Variants in PLBD2 observed in about 807,000 individuals in gnomAD.
PLBD2 encodes the protein phospholipase B domain containing 2, also known as putative aminopeptidase PLBD2.
PLBD2 carries 51 observed loss-of-function variants against 68.3 expected under a neutral mutation model. That is an observed-to-expected ratio of 0.75 (90% CI 0.60 to 0.94). PLBD2 has a LOEUF of 0.94. Ranked by LOEUF, PLBD2 falls within the 40% of genes least tolerant of loss-of-function variation. PLBD2 has a pLI of 0.00. For synonymous variants in PLBD2, 314 were observed against 339.3 expected (o/e 0.93, Z 0.82); for missense variants, 729 against 792.2 (o/e 0.92, Z 0.96).
intron 1 of PLBD2, among the ~76,000 whole-genome samples, chr12:113,368,306 C>G (rs1004393002): frequency 6.6e-6 from 1 of 152,138 alleles, no homozygotes; most frequent in Non-Finnish European, 1.5e-5. Context: ...ATAAACCAGC[C>G]CCAATCCAGC....
At position 113,387,823 on chromosome 12, in the gene PLBD2, G is replaced by T. The variant is rs368889136; in HGVS notation, c.1519G>T (p.Ala507Ser). 3.1e-6 allele frequency: 5 copies of T among 1,614,086 alleles called. No homozygotes were observed. Among genetic ancestry groups the T allele is most frequent in the East Asian group, 4.5e-5 (2 of 44,876 alleles). The change falls in exon 11 of 12, where the codon GCC (alanine) becomes TCC (serine). Residue 507 changes from alanine to serine, a missense_variant. Ala to Ser is a moderately conservative substitution (Grantham distance 99). Transcript: ENST00000280800. ...GCCCAATGGGGAGAATGCTATCTCC[G>T]CCCGCTCCGACCTCAACCCGGCCAA... ...PQPNGENAIS[A>S]RSDLNPANGS... is the part of the protein sequence containing the mutation.
chr12:113,359,775 C>T (rs1957272964), intron 1 of PLBD2, among the ~76,000 whole-genome samples: 1 of 152,158 alleles, frequency 6.6e-6, no homozygotes. Context: ...GCTGTCTCTA[C>T]TCAGTGGGAA....
intron 1 of PLBD2, among the ~76,000 whole-genome samples, chr12:113,361,420 G>A (rs1957295437): frequency 6.9e-6 from 1 of 144,124 alleles, no homozygotes; most frequent in South Asian, 2.2e-4. Flanking sequence ...GCTCACTGCA[G>A]CCTTGAACTC....
In PLBD2 at chr12:113,388,645, C is replaced by A. The variant is rs903266625; in HGVS notation, c.*19C>A. The A allele has an allele frequency of 6.5e-7, 1 of 1,543,916 alleles. No individual in the cohort carries two copies. Among genetic ancestry groups the A allele is most frequent in the Non-Finnish European group, 8.7e-7 (1 of 1,143,266 alleles). ...GGACTGAAGTTCTGTCCCTGCTCTG[C>A]TGCTTTCGCCCCTGCTGACCCTCGT... On this transcript the variant is annotated 3_prime_UTR_variant, in exon 12 of 12. Coordinates refer to ENST00000280800, the MANE Select transcript of PLBD2 (RefSeq NM_173542.4).
chr12:113,365,287 G>T (rs949844865), intron 1 of PLBD2, among the ~76,000 whole-genome samples: 6 of 151,956 alleles, frequency 3.9e-5, no homozygotes, highest in African/African-American at 1.5e-4. Flanking sequence ...TCTGTAAAAT[G>T]GGAAGAATAA....
In PLBD2 at chr12:113,369,168, G is replaced by C. The variant is rs1008670641; in HGVS notation, c.343G>C (p.Ala115Pro). The C allele has an allele frequency of 6.2e-7, 1 of 1,607,514 alleles. No homozygotes were observed. The highest frequency in any genetic ancestry group is 8.5e-7 in the Non-Finnish European group (1 of 1,177,182). ...TSGQYNDSLQ[A>P]YAAGVVEAAV... ...TGGCCAATACAATGACAGCTTGCAG[G>C]CCTATGCAGCCGGTGTGGTGGAGGC... The change falls in exon 2 of 12, where the codon GCC becomes CCC. Residue 115 changes from alanine (A) to proline (P), a missense_variant. Transcript: ENST00000280800.
chr12:113,380,479 C>T (rs1565863035), intron 5 of PLBD2, among the ~76,000 whole-genome samples: 1 of 152,134 alleles, frequency 6.6e-6, no homozygotes, highest in Non-Finnish European at 1.5e-5. Flanking sequence ...TATTTTTGGT[C>T]CCCAGTCGAT....
At chr12:113,374,759 C>T (rs373691519) in intron 4 of PLBD2, 34 bp from the exon 5 acceptor site, 45 of 1,606,826 alleles carry the variant, frequency 2.8e-5, no homozygotes, top group African/African-American at 2.0e-4. Flanking sequence ...TCACAGCAGG[C>T]GTGGTAACCC....
At chr12:113,373,846 C>T (rs1471726118) in intron 3 of PLBD2, among the ~76,000 whole-genome samples, 2 of 149,708 alleles carry the variant, frequency 1.3e-5, no homozygotes, top group Non-Finnish European at 3.0e-5. Flanking sequence ...ATCCATCTAC[C>T]CATACATACA....
chr12:113,382,835 T>TTTTTGTGTGTGTG (rs1335785271), intron 6 of PLBD2, among the ~76,000 whole-genome samples: 4 of 106,606 alleles, frequency 3.8e-5, no homozygotes, highest in African/African-American at 1.5e-4. Flanking sequence ...TGGTGGTTTT[T>TTTTTGTGTGTGTG]TGTGTGTGTG....
rs368424002 is a variant in PLBD2, at chr12:113,380,778, T to C, written c.893T>C (p.Val298Ala). ...DYPLVPGNKL[V>A]FSSYPGTIFS... ...CCGCTGGTTCCCGGCAACAAGCTGGTCTTCTCCTCCTACCCCGGCACCATC... is the reference window on the plus strand; with the variant it reads ...CCGCTGGTTCCCGGCAACAAGCTGGCCTTCTCCTCCTACCCCGGCACCATC... The change falls in exon 6 of 12, where the codon GTC (valine) becomes GCC (alanine). Residue 298 changes from valine (V) to alanine (A), a missense_variant. Coordinates refer to ENST00000280800, the MANE Select transcript of PLBD2 (RefSeq NM_173542.4). The C allele has an allele frequency of 4.4e-5, 68 of 1,554,648 alleles. No individual in the cohort carries two copies. The highest frequency in any genetic ancestry group is 5.7e-5 in the Non-Finnish European group (65 of 1,149,018).
intron 1 of PLBD2, among the ~76,000 whole-genome samples, chr12:113,360,256 A>G (rs1213018667): frequency 1.3e-5 from 2 of 151,886 alleles, no homozygotes; most frequent in African/African-American, 4.8e-5. Flanking sequence ...GAGGGAACTG[A>G]AGCTTTGTGG....
intron 6 of PLBD2, among the ~76,000 whole-genome samples, chr12:113,383,083 C>T (rs377657567): frequency 6.6e-6 from 1 of 152,040 alleles, no homozygotes; most frequent in African/African-American, 2.4e-5. Context: ...TGAAGGCAGC[C>T]AAGGGTTCCA....
At chr12:113,385,347 C>A in intron 9 of PLBD2, 64 bp downstream of exon 9, 1 of 1,432,486 alleles carries the variant, frequency 7.0e-7, no homozygotes, top group African/African-American at 1.4e-5. Context: ...CCTTGCCCAG[C>A]TCCTTCCTAG....
rs934932335 is a variant in PLBD2, at chr12:113,391,124, A to G, written c.*2498A>G. Reference sequence around the variant, plus strand: ...TTAACCACCAAGACCTTCCTAAGCCATATTGTGGTATACAGACAGATACAA... The same window carrying G: ...TTAACCACCAAGACCTTCCTAAGCCGTATTGTGGTATACAGACAGATACAA... On this transcript the variant is annotated 3_prime_UTR_variant, in exon 12 of 12. Transcript: ENST00000280800. The G allele has an allele frequency of 6.6e-6, 1 of 152,054 alleles. No individual in the cohort carries two copies. The highest frequency in any genetic ancestry group is 2.4e-5 in the African/African-American group (1 of 41,420). The allele number at this position is 152,054 out of a possible 1,614,324, so 9.4% of individuals were successfully genotyped here. A position where few individuals can be genotyped will look rare whatever the true frequency, so the allele number is the denominator to read the frequency against.
At chr12:113,386,551 G>A (rs184049142) in intron 9 of PLBD2, among the ~76,000 whole-genome samples, 5 of 147,132 alleles carry the variant, frequency 3.4e-5, no homozygotes, top group African/African-American at 1.0e-4. Flanking sequence ...ACGGAGTCTC[G>A]CTGTGTCGCC....
Position 113,386,821 on chromosome 12 carries a change from A to T in PLBD2, c.1287-116A>T, listed in dbSNP as rs1957557403. ...GGTGTGAGCCACTGCACCCAGCCTG[A>T]ATGTCGTAGTTGTAAGTAATAATGT... On this transcript the variant is annotated intron_variant, in intron 9 of 11. Transcript: ENST00000280800. 12 of 1,254,240 alleles carry T rather than the reference A, an allele frequency of 9.6e-6. No individual in the cohort carries two copies. In the East Asian group the frequency reaches 3.3e-4, roughly 34 times the overall value. 77.7% of individuals were successfully genotyped at this position (1,254,240 alleles called of 1,614,324 possible).
chr12:113,384,303 A>G lies in PLBD2; in HGVS notation c.1118+38A>G. 1 of 1,578,686 alleles carries G rather than the reference A, an allele frequency of 6.3e-7. No individual in the cohort carries two copies. The highest frequency in any genetic ancestry group is 8.6e-7 in the Non-Finnish European group (1 of 1,160,982). On this transcript the variant is annotated intron_variant, in intron 7 of 11. Coordinates refer to ENST00000280800, the MANE Select transcript of PLBD2 (RefSeq NM_173542.4). The surrounding 1 kb of genome is among the most constrained non-coding windows in gnomAD (Gnocchi z 4.2). ...CTGGCCCTGTGGCTTCCCCTGCACCAAGAGATAGACCAACCTCCCCTTTAA... is the reference window on the plus strand; with the variant it reads ...CTGGCCCTGTGGCTTCCCCTGCACCGAGAGATAGACCAACCTCCCCTTTAA...
chr12:113,358,588 G>T lies in PLBD2; in HGVS notation c.-13G>T, dbSNP rs1039116837. 15 of 1,466,684 alleles carry T rather than the reference G, an allele frequency of 1.0e-5. No homozygotes were observed. Among genetic ancestry groups the T allele is most frequent in the Admixed American group, 2.7e-5 (1 of 36,550 alleles). 90.9% of individuals were successfully genotyped at this position (1,466,684 alleles called of 1,614,324 possible). ...CACGTGACCCGGGCTGCGGGGCGCA[G>T]CATTGTGCGGTCATGGTGGGCCAGA... On this transcript the variant is annotated 5_prime_UTR_variant, in exon 1 of 12. Coordinates refer to ENST00000280800, the MANE Select transcript of PLBD2 (RefSeq NM_173542.4).
Sources: gnomAD v4.1 joint callset for allele counts (sites outside exome capture counted in the v4.1 genomes callset) on GRCh38, gnomAD v4.1.1 for gene constraint, Gnocchi (gnomAD v3.1) non-coding constraint, MANE v1.5 for transcripts, NCBI Gene and HGNC (gene_info 2026-07-23, HGNC 2026-07-21) for gene names.